FAT3: variants seen among roughly 807,000 people sequenced by gnomAD.
FAT3 encodes the protein protocadherin Fat 3.
Under a neutral mutation model 310.2 loss-of-function variants are expected in FAT3, and 95 were observed. That is an observed-to-expected ratio of 0.31 (90% CI 0.26 to 0.36). FAT3 has a LOEUF of 0.36. FAT3 is among the 10% of genes least tolerant of loss of function. The pLI is 1.00. For missense variants in FAT3, 5,408 were observed against 5,715.6 expected (o/e 0.95, Z 1.74); for synonymous variants, 2,314 against 2,192.9 (o/e 1.06, Z -1.54).
intron 13 of FAT3, among the ~76,000 whole-genome samples, chr11:92,827,662 A>G (rs1281770429): frequency 2.6e-5 from 4 of 152,176 alleles, no homozygotes; most frequent in Non-Finnish European, 4.4e-5. Context: ...CATGGACTCC[A>G]TTTATAAACC....
At chr11:92,474,244 A>G (rs1951988506) in intron 2 of FAT3, among the ~76,000 whole-genome samples, 1 of 152,196 alleles carries the variant, frequency 6.6e-6, no homozygotes, top group African/African-American at 2.4e-5. Flanking sequence ...TCCATCTGCT[A>G]ATGAAGAGTG....
intron 19 of FAT3, among the ~76,000 whole-genome samples, chr11:92,852,396 C>T (rs187688616): frequency 5.0e-4 from 76 of 152,254 alleles, no homozygotes; most frequent in Non-Finnish European, 1.1e-3. Context: ...TCTAATCTGC[C>T]TTCATACTTC....
chr11:92,810,370 T>G (rs1279437214), intron 13 of FAT3, among the ~76,000 whole-genome samples: 1 of 152,186 alleles, frequency 6.6e-6, no homozygotes, highest in East Asian at 1.9e-4. Context: ...GTTTTTAGAT[T>G]TTGACCTTTT....
At chr11:92,718,298 G>T (rs1210464615) in intron 4 of FAT3, among the ~76,000 whole-genome samples, 1 of 152,166 alleles carries the variant, frequency 6.6e-6, no homozygotes, top group African/African-American at 2.4e-5. Context: ...GGAGAACAGG[G>T]TGGGCTTCCA....
chr11:92,777,533 T>A (rs1316254683), intron 7 of FAT3, among the ~76,000 whole-genome samples: 1 of 152,162 alleles, frequency 6.6e-6, no homozygotes, highest in Non-Finnish European at 1.5e-5. Context: ...ATCCCAACAC[T>A]GACAAAAACC....
intron 13 of FAT3, among the ~76,000 whole-genome samples, chr11:92,815,256 AG>A (rs781343666): frequency 7.2e-5 from 11 of 151,892 alleles, no homozygotes; most frequent in Non-Finnish European, 1.5e-4. Context: ...CCAAAATGAG[AG>A]TGGTGGCTTT....
chr11:92,859,640 T>A (rs1439529961), intron 21 of FAT3, among the ~76,000 whole-genome samples: 1 of 152,138 alleles, frequency 6.6e-6, no homozygotes, highest in East Asian at 1.9e-4. Flanking sequence ...ACAGGGGTGG[T>A]CCTTTAAAAG....
intron 19 of FAT3, among the ~76,000 whole-genome samples, chr11:92,849,821 A>G (rs990386423): frequency 3.9e-5 from 6 of 152,156 alleles, no homozygotes; most frequent in Non-Finnish European, 5.9e-5. Flanking sequence ...GGGGTGCTGG[A>G]GATACAGTGG....
At chr11:92,497,672 G>A (rs1447522864) in intron 2 of FAT3, among the ~76,000 whole-genome samples, 1 of 151,978 alleles carries the variant, frequency 6.6e-6, no homozygotes, top group Non-Finnish European at 1.5e-5. Context: ...GTTTAAATTA[G>A]TCAGAAGCTA....
At chr11:92,685,192 A>G (rs373227340) in intron 3 of FAT3, among the ~76,000 whole-genome samples, 1 of 152,248 alleles carries the variant, frequency 6.6e-6, no homozygotes, top group Non-Finnish European at 1.5e-5. Context: ...TAAATAACAT[A>G]ATTTAGTTAA....
intron 3 of FAT3, among the ~76,000 whole-genome samples, chr11:92,659,438 C>A (rs1591575808): frequency 6.6e-6 from 1 of 152,158 alleles, no homozygotes. Context: ...TACTTTTTTA[C>A]TGCTTTGTTA....
At chr11:92,463,213 C>A (rs584587) in intron 2 of FAT3, among the ~76,000 whole-genome samples, 150,311 of 152,312 alleles carry the variant, frequency 0.99, 74,205 homozygotes, top group East Asian at 1. Context: ...CAATTTATAT[C>A]ATGTTCCTTG....
chr11:92,233,142 A>G (rs1369730151), intron 1 of FAT3, among the ~76,000 whole-genome samples: 1 of 152,206 alleles, frequency 6.6e-6, no homozygotes, highest in Non-Finnish European at 1.5e-5. Flanking sequence ...GGGAATGTTG[A>G]CAAGTGAGGT....
intron 2 of FAT3, among the ~76,000 whole-genome samples, chr11:92,371,986 G>C (rs1229075041): frequency 6.6e-6 from 1 of 152,188 alleles, no homozygotes; most frequent in Non-Finnish European, 1.5e-5. Flanking sequence ...GTTGGTCACA[G>C]CTTCACAACA....
intron 2 of FAT3, among the ~76,000 whole-genome samples, chr11:92,479,115 T>C (rs547836110): frequency 6.6e-6 from 1 of 150,824 alleles, no homozygotes; most frequent in East Asian, 2.0e-4. Context: ...AATCCACCCA[T>C]CTCAGCCTCT....
chr11:92,307,615 T>C (rs751868798), intron 1 of FAT3, among the ~76,000 whole-genome samples: 4 of 152,168 alleles, frequency 2.6e-5, no homozygotes, highest in African/African-American at 4.8e-5. Context: ...TCCCGCTTCA[T>C]TGTATCTCTC....
rs982800663 is a variant in FAT3 at position 92,799,096 on chromosome 11, T to A, written c.6083T>A (p.Ile2028Lys). The change falls in exon 10 of 28, where the codon ATA becomes AAA. Residue 2028 changes from isoleucine to lysine, a missense_variant. By Grantham distance (102) the Ile-to-Lys change is moderately radical. Coordinates refer to ENST00000525166, the MANE Select transcript of FAT3 (RefSeq NM_001367949.2). ...SILNPGNKFK[I>K]KSTSGVIQTT... Reference sequence around the variant, plus strand: ...TTAAACCCAGGAAATAAGTTCAAGATAAAATCTACCTCAGGGGTCATTCAG... The same window carrying A: ...TTAAACCCAGGAAATAAGTTCAAGAAAAAATCTACCTCAGGGGTCATTCAG... 2 of 1,613,822 alleles carry A rather than the reference T, an allele frequency of 1.2e-6. No homozygotes were observed. Among genetic ancestry groups the A allele is most frequent in the African/African-American group, 2.7e-5 (2 of 74,908 alleles).
Position 92,470,788 on chromosome 11 carries a change from C to G in FAT3, c.3293-53846C>G, listed in dbSNP as rs567220546. Among the ~76,000 whole-genome samples, 22 of 152,306 alleles carry G rather than the reference C, an allele frequency of 1.4e-4. No individual in the cohort carries two copies. In the South Asian group the frequency reaches 2.9e-3, roughly 20 times the overall value. On this transcript the variant is annotated intron_variant, in intron 2 of 27. Transcript: ENST00000525166. The stretch of plus-strand genomic sequence containing the variant: ...AATCTGGTACTTTTCAAAATTCTGT[C>G]TCTTAGATGCATTTTATCCTGATAG...
intron 2 of FAT3, among the ~76,000 whole-genome samples, chr11:92,473,088 G>A (rs1473063406): frequency 2.0e-5 from 3 of 152,118 alleles, no homozygotes; most frequent in Admixed American, 6.5e-5. Flanking sequence ...GCAGCCTCCC[G>A]TATGCTCCTG....
Sources: gnomAD v4.1 joint callset for allele counts (sites outside exome capture counted in the v4.1 genomes callset) on GRCh38, gnomAD v4.1.1 for gene constraint, MANE v1.5 for transcripts, NCBI Gene and HGNC (gene_info 2026-07-23, HGNC 2026-07-21) for gene names.